Variants in MACROD2 observed in about 807,000 individuals in gnomAD.
MACROD2 encodes the protein ADP-ribose glycohydrolase MACROD2.
A neutral mutation model predicts 70.4 loss-of-function variants in MACROD2; 36 were observed. The observed-to-expected ratio is 0.51, with a 90% CI of 0.39 to 0.68. The LOEUF (loss-of-function observed/expected upper bound fraction) is 0.68. MACROD2 is among the 30% of genes least tolerant of loss of function. MACROD2 has a pLI of 0.00. For synonymous variants in MACROD2, 172 were observed against 178.8 expected, an observed-to-expected ratio of 0.96 and a Z score of 0.30; for missense variants, 496 against 538.4, an observed-to-expected ratio of 0.92 and a Z score of 0.78.
chr20:14,575,773 A>C (rs750646836), intron 4 of MACROD2, among the ~76,000 whole-genome samples: 1 of 152,192 alleles, frequency 6.6e-6, no homozygotes, highest in Non-Finnish European at 1.5e-5. Flanking sequence ...TGGATGAAGG[A>C]TGTATTAAAT....
At chr20:15,869,228 TATATATATATAG>T (rs1266324509) in intron 9 of MACROD2, among the ~76,000 whole-genome samples, 3 of 43,946 alleles carry the variant, frequency 6.8e-5, no homozygotes, top group East Asian at 5.7e-4. Context: ...TATATATATA[TATATATATATAG>T]AGAGAGAGAG....
chr20:14,862,216 T>TAA (rs1265584365), intron 5 of MACROD2, among the ~76,000 whole-genome samples: 4,768 of 30,304 alleles, frequency 0.16, 990 homozygotes, highest in Non-Finnish European at 0.21. Context: ...AATATATATA[T>TAA]ATATAAATAT....
intron 5 of MACROD2, among the ~76,000 whole-genome samples, chr20:14,771,420 G>A (rs1211753150): frequency 6.6e-6 from 1 of 151,502 alleles, no homozygotes; most frequent in African/African-American, 2.4e-5. Flanking sequence ...CTATAAAGTA[G>A]GTAATATATT....
intron 1 of MACROD2, among the ~76,000 whole-genome samples, chr20:13,997,784 G>A (rs1316394206): frequency 1.3e-5 from 2 of 152,100 alleles, no homozygotes; most frequent in Non-Finnish European, 2.9e-5. Context: ...ACTGCGATAC[G>A]AAGACTTTAA....
At chr20:15,948,593 A>G (rs1045908803) in intron 12 of MACROD2, among the ~76,000 whole-genome samples, 4 of 152,038 alleles carry the variant, frequency 2.6e-5, no homozygotes, top group Non-Finnish European at 4.4e-5. Context: ...AGTACATTCA[A>G]GCCCAAGACT....
At chr20:14,398,528 T>C (rs2083604524) in intron 3 of MACROD2, among the ~76,000 whole-genome samples, 1 of 152,088 alleles carries the variant, frequency 6.6e-6, no homozygotes, top group Admixed American at 6.6e-5. Flanking sequence ...TAAAACAAAT[T>C]TGATGTTTAA....
At chr20:15,441,055 T>C (rs544157501) in intron 7 of MACROD2, among the ~76,000 whole-genome samples, 2 of 152,318 alleles carry the variant, frequency 1.3e-5, no homozygotes, top group East Asian at 3.9e-4. Context: ...CATAGCTCGT[T>C]TGAATATCAC....
intron 8 of MACROD2, among the ~76,000 whole-genome samples, chr20:15,556,002 C>A (rs1293168958): frequency 6.6e-6 from 1 of 152,058 alleles, no homozygotes; most frequent in Non-Finnish European, 1.5e-5. Context: ...ATCTTTATTT[C>A]TCTCAGGTCC....
chr20:15,594,733 T>G lies in MACROD2; in HGVS notation c.645+94886T>G, dbSNP rs1347763161. Among the ~76,000 whole-genome samples the G allele has an allele frequency of 2.0e-5, 3 of 152,268 alleles. 1 individual carries two copies. The South Asian group carries it at 6.2e-4, about 31-fold the overall frequency. ...ATGTTTAACATATTGATTTGTGTTT[T>G]CAAATTTTTAAGATGTCCTTTCTCA... On this transcript the variant is annotated intron_variant, in intron 8 of 17. Coordinates refer to ENST00000684519, the MANE Select transcript of MACROD2 (RefSeq NM_001351661.2).
chr20:14,047,221 C>T (rs915156766), intron 2 of MACROD2, among the ~76,000 whole-genome samples: 14 of 151,986 alleles, frequency 9.2e-5, no homozygotes, highest in East Asian at 3.9e-4. Context: ...CCGAGGTAGG[C>T]GGATCACAAG....
At chr20:14,810,164 G>A (rs2072691663) in intron 5 of MACROD2, among the ~76,000 whole-genome samples, 1 of 152,062 alleles carries the variant, frequency 6.6e-6, no homozygotes, top group African/African-American at 2.4e-5. Context: ...CAATATCCCT[G>A]ATGAACTTTG....
intron 3 of MACROD2, among the ~76,000 whole-genome samples, chr20:14,322,587 G>T (rs2082674321): frequency 6.6e-6 from 1 of 151,972 alleles, no homozygotes; most frequent in Admixed American, 6.6e-5. Context: ...CATCTTTTAA[G>T]TTGTCCCTCG....
intron 3 of MACROD2, among the ~76,000 whole-genome samples, chr20:14,161,429 C>T (rs892692997): frequency 5.3e-5 from 8 of 151,728 alleles, no homozygotes; most frequent in East Asian, 1.9e-4. Context: ...CCTCATGATC[C>T]GCCCACCCCG....
rs143970140 is a variant in MACROD2 at position 14,749,246 on chromosome 20, G to A, written c.418+64287G>A. 1.7e-3 allele frequency among the ~76,000 whole-genome samples: 265 copies of A among 152,132 alleles called. 1 individual carries two copies. The highest frequency in any genetic ancestry group is 2.8e-3 in the Non-Finnish European group (188 of 68,012). ...ACGTCATATGCTATGTAATGAAAACGTGCCTAGCCTCCTACTCCCTTGTAT... is the reference window on the plus strand; with the variant it reads ...ACGTCATATGCTATGTAATGAAAACATGCCTAGCCTCCTACTCCCTTGTAT... On this transcript the variant is annotated intron_variant, in intron 5 of 17. Transcript: ENST00000684519.
chr20:15,985,057 C>T (rs573024410), intron 13 of MACROD2, among the ~76,000 whole-genome samples: 66 of 152,198 alleles, frequency 4.3e-4, no homozygotes, highest in Non-Finnish European at 8.2e-4. Context: ...TGATGGCCAA[C>T]CTACCTCTAA....
chr20:14,992,035 G>T (rs2074909115), intron 5 of MACROD2, among the ~76,000 whole-genome samples: 1 of 152,142 alleles, frequency 6.6e-6, no homozygotes, highest in South Asian at 2.1e-4. Context: ...AGAGTCAGGT[G>T]TTAACGCATA....
Position 15,926,718 on chromosome 20 carries a change from G to A in MACROD2, c.776-6558G>A, listed in dbSNP as rs8124061. ...AGGGGTCAGGCAATGCAAAGGCCTGGGGAGAGGAGACTCCAATGTGCTGGA... is the reference window on the plus strand; with the variant it reads ...AGGGGTCAGGCAATGCAAAGGCCTGAGGAGAGGAGACTCCAATGTGCTGGA... On this transcript the variant is annotated intron_variant, in intron 10 of 17. Transcript: ENST00000684519. 8.0e-3 allele frequency among the ~76,000 whole-genome samples: 1,211 copies of A among 152,276 alleles called. 16 individuals are homozygous for A. Among genetic ancestry groups the A allele is most frequent in the African/African-American group, 0.027 (1,127 of 41,556 alleles).
At chr20:15,344,291 A>G (rs974828217) in intron 6 of MACROD2, among the ~76,000 whole-genome samples, 5 of 152,060 alleles carry the variant, frequency 3.3e-5, no homozygotes, top group African/African-American at 1.2e-4. Flanking sequence ...GTACTGTCCA[A>G]TCTATATACT....
At chr20:15,613,774 T>C (rs2049001501) in intron 8 of MACROD2, among the ~76,000 whole-genome samples, 1 of 152,192 alleles carries the variant, frequency 6.6e-6, no homozygotes, top group Non-Finnish European at 1.5e-5. Flanking sequence ...CAGTGGAACT[T>C]GCCTCTTAGT....
Sources: gnomAD v4.1 joint callset for allele counts (sites outside exome capture counted in the v4.1 genomes callset) on GRCh38, gnomAD v4.1.1 for gene constraint, MANE v1.5 for transcripts, NCBI Gene and HGNC (gene_info 2026-07-23, HGNC 2026-07-21) for gene names.